The following GPR137C variants were observed in gnomAD, a reference collection of about 807,000 sequenced individuals.
GPR137C encodes the protein integral membrane protein GPR137C.
GPR137C carries 27 observed loss-of-function variants against 43.4 expected under a neutral mutation model. The observed-to-expected ratio is 0.62, with a 90% CI of 0.46 to 0.86. The LOEUF (loss-of-function observed/expected upper bound fraction) is 0.86. Ranked by LOEUF, GPR137C falls within the 40% of genes least tolerant of loss-of-function variation. The probability of loss-of-function intolerance (pLI) is 0.00; values close to 1 mark genes in which losing one functional copy is unlikely to be tolerated. For missense variants in GPR137C, 522 were observed against 534.6 expected (o/e 0.98, Z 0.23); for synonymous variants, 285 against 226.9 (o/e 1.26, Z -2.30).
Position 52,635,072 on chromosome 14 carries a change from A to T in GPR137C, c.1247A>T (p.Asp416Val). Residue 416 changes from aspartate (D) to valine (V), a missense_variant, in exon 7 of 7, where the codon GAT (aspartate) becomes GTT (valine). Transcript: ENST00000321662. ...TTGCTCTTTACTTGTAGTAATTTAGATTTGAACAATCATCATAGCTTATAT... is the reference window on the plus strand; with the variant it reads ...TTGCTCTTTACTTGTAGTAATTTAGTTTTGAACAATCATCATAGCTTATAT... ...APLLFTCSNLDLNNHHSLYVT... is the reference protein window; with the variant it reads ...APLLFTCSNLVLNNHHSLYVT... The T allele has an allele frequency of 6.2e-7, 1 of 1,604,430 alleles. No individual in the cohort carries two copies. The highest frequency in any genetic ancestry group is 8.5e-7 in the Non-Finnish European group (1 of 1,177,016).
intron 1 of GPR137C, among the ~76,000 whole-genome samples, chr14:52,569,914 A>G (rs769464949): frequency 1.4e-4 from 21 of 152,062 alleles, no homozygotes; most frequent in Non-Finnish European, 2.5e-4. Context: ...TGAAGTGGGA[A>G]AACACTCTTC....
rs373856030 is a variant in GPR137C at position 52,561,247 on chromosome 14, G to A, written c.444+7656G>A. Among the ~76,000 whole-genome samples, 19 of 152,326 alleles carry A rather than the reference G, an allele frequency of 1.2e-4. No individual in the cohort carries two copies. The East Asian group carries it at 2.3e-3, about 19-fold the overall frequency. On this transcript the variant is annotated intron_variant, in intron 1 of 6. Coordinates refer to ENST00000321662, the MANE Select transcript of GPR137C (RefSeq NM_001099652.2). ...GAACTCCTACACTGATGATAGGAAT[G>A]TGAAGTTTTACAACCACTTTGGAAA...
intron 1 of GPR137C, among the ~76,000 whole-genome samples, chr14:52,576,182 A>G (rs74619234): frequency 0.055 from 8,439 of 152,268 alleles, 263 homozygotes; most frequent in Middle Eastern, 0.075. Flanking sequence ...CTACATGTGT[A>G]CCCTTTGTTT....
intron 1 of GPR137C, among the ~76,000 whole-genome samples, chr14:52,593,231 G>A (rs1391637136): frequency 3.3e-5 from 5 of 152,152 alleles, no homozygotes; most frequent in Non-Finnish European, 5.9e-5. Context: ...GATTCAGTTT[G>A]CCAGTATTTT....
chr14:52,608,474 G>C (rs950318506), intron 3 of GPR137C, among the ~76,000 whole-genome samples: 3 of 152,164 alleles, frequency 2.0e-5, no homozygotes, highest in Admixed American at 2.0e-4. Flanking sequence ...GTAAATTGTA[G>C]TCATTATTTT....
At chr14:52,608,300 C>A (rs2039003956) in intron 3 of GPR137C, among the ~76,000 whole-genome samples, 1 of 152,000 alleles carries the variant, frequency 6.6e-6, no homozygotes, top group African/African-American at 2.4e-5. Flanking sequence ...ATGAGGCTTA[C>A]AAAAAATATT....
At chr14:52,596,333 G>A (rs1355511412) in intron 1 of GPR137C, among the ~76,000 whole-genome samples, 1 of 152,228 alleles carries the variant, frequency 6.6e-6, no homozygotes, top group Non-Finnish European at 1.5e-5. Flanking sequence ...TCCGTGCTGG[G>A]AGAATCACTG....
chr14:52,602,457 C>T (rs1643059606), intron 3 of GPR137C, among the ~76,000 whole-genome samples: 1 of 151,864 alleles, frequency 6.6e-6, no homozygotes, highest in African/African-American at 2.4e-5. Context: ...TTCTTTCTTC[C>T]TTCCTTTACA....
intron 1 of GPR137C, among the ~76,000 whole-genome samples, chr14:52,592,415 C>G (rs558419784): frequency 3.3e-4 from 50 of 152,210 alleles, no homozygotes; most frequent in Non-Finnish European, 6.0e-4. Flanking sequence ...TATAAATTAC[C>G]TTGGGCAGTA....
At chr14:52,630,933 G>C (rs1430804020) in intron 3 of GPR137C, among the ~76,000 whole-genome samples, 1 of 152,078 alleles carries the variant, frequency 6.6e-6, no homozygotes, top group Non-Finnish European at 1.5e-5. Flanking sequence ...CCATGAATGG[G>C]GCAGCTATAA....
At chr14:52,574,199 C>T (rs1248303040) in intron 1 of GPR137C, among the ~76,000 whole-genome samples, 4 of 152,114 alleles carry the variant, frequency 2.6e-5, no homozygotes, top group Non-Finnish European at 5.9e-5. Context: ...ACCATTTGAC[C>T]TAGCAATCCC....
intron 3 of GPR137C, among the ~76,000 whole-genome samples, chr14:52,626,153 C>T (rs757556318): frequency 1.3e-5 from 2 of 151,972 alleles, no homozygotes; most frequent in Non-Finnish European, 2.9e-5. Context: ...TAAAACTATA[C>T]CATTTTATGT....
At chr14:52,601,594 T>C (rs2038926802) in intron 3 of GPR137C, among the ~76,000 whole-genome samples, 1 of 151,998 alleles carries the variant, frequency 6.6e-6, no homozygotes, top group Non-Finnish European at 1.5e-5. Context: ...TTTTATTAAA[T>C]TTCTAGTCTA....
chr14:52,590,253 G>GA (rs145384626), intron 1 of GPR137C, among the ~76,000 whole-genome samples: 2 of 149,244 alleles, frequency 1.3e-5, no homozygotes, highest in Non-Finnish European at 3.0e-5. Context: ...TTTACAATAG[G>GA]AAAAAAAAAG....
At chr14:52,567,674 T>TA (rs1350812660) in intron 1 of GPR137C, among the ~76,000 whole-genome samples, 2 of 151,482 alleles carry the variant, frequency 1.3e-5, no homozygotes, top group African/African-American at 4.8e-5. Flanking sequence ...TTTTTTTTTT[T>TA]TTTGAGACAG....
At chr14:52,566,479 G>A (rs954657558) in intron 1 of GPR137C, among the ~76,000 whole-genome samples, 1 of 152,212 alleles carries the variant, frequency 6.6e-6, no homozygotes, top group East Asian at 1.9e-4. Context: ...CTCTCCAAGA[G>A]CTTTTGTGGA....
intron 1 of GPR137C, among the ~76,000 whole-genome samples, chr14:52,586,263 A>C (rs1245441599): frequency 6.6e-6 from 1 of 152,218 alleles, no homozygotes; most frequent in African/African-American, 2.4e-5. Context: ...ACCATGCAAA[A>C]ACATGAGACA....
At chr14:52,558,630 G>A (rs1175262216) in intron 1 of GPR137C, among the ~76,000 whole-genome samples, 1 of 152,030 alleles carries the variant, frequency 6.6e-6, no homozygotes, top group African/African-American at 2.4e-5. Context: ...CAAAAAACAT[G>A]GGTTCAGAAT....
chr14:52,604,289 C>T (rs1425163832), intron 3 of GPR137C, among the ~76,000 whole-genome samples: 1 of 152,128 alleles, frequency 6.6e-6, no homozygotes, highest in Non-Finnish European at 1.5e-5. Context: ...TCTATTATTA[C>T]TTTGGTTGCC....
Sources: allele counts gnomAD v4.1 joint callset (sites outside exome capture counted in the v4.1 genomes callset), GRCh38; gene constraint gnomAD v4.1.1; transcripts MANE v1.5; gene names NCBI Gene and HGNC (gene_info 2026-07-23, HGNC 2026-07-21).